CSMD1: variants seen among roughly 807,000 people sequenced by gnomAD.
CSMD1 encodes CUB and Sushi multiple domains 1.
CSMD1 carries 213 observed loss-of-function variants against 417.5 expected under a neutral mutation model. The observed-to-expected ratio is 0.51, with a 90% CI of 0.46 to 0.57. CSMD1 has a LOEUF of 0.57. Ranked by LOEUF, CSMD1 falls within the 20% of genes least tolerant of loss-of-function variation. The pLI is 0.00. For synonymous variants in CSMD1, 2,862 were observed against 1,736.8 expected (o/e 1.65, Z -16.11); for missense variants, 6,923 against 4,529.7 (o/e 1.53, Z -15.17).
chr8:3,549,675 C>A (rs985546606), intron 10 of CSMD1, among the ~76,000 whole-genome samples: 1 of 152,050 alleles, frequency 6.6e-6, no homozygotes, highest in Admixed American at 6.5e-5. Flanking sequence ...TCTAGCTAGC[C>A]CCCTTCAACA....
chr8:4,733,390 C>T (rs1040073419), intron 1 of CSMD1, among the ~76,000 whole-genome samples: 4 of 152,126 alleles, frequency 2.6e-5, no homozygotes, highest in Admixed American at 6.5e-5. Context: ...TGACTCATGC[C>T]CAGAATAACC....
In CSMD1 at chr8:4,464,838, T is replaced by C. The variant is rs11779582; in HGVS notation, c.303-44773A>G. Among the ~76,000 whole-genome samples the C allele has an allele frequency of 6.1e-3, 932 of 152,262 alleles. 6 individuals carry two copies. Among genetic ancestry groups the C allele is most frequent in the Non-Finnish European group, 8.2e-3 (561 of 68,026 alleles). The stretch of plus-strand genomic sequence containing the variant: ...TGAAGTTTTGGGAGGAAAGTATCTA[T>C]GATCCCAATTTACCCTGCTGTGTTA... On this transcript the variant is annotated intron_variant, in intron 2 of 69. Coordinates refer to ENST00000635120, the MANE Select transcript of CSMD1 (RefSeq NM_033225.6).
At chr8:3,868,531 G>C (rs1299795963) in intron 5 of CSMD1, among the ~76,000 whole-genome samples, 3 of 152,060 alleles carry the variant, frequency 2.0e-5, no homozygotes, top group Non-Finnish European at 2.9e-5. Context: ...ATTCCCAAAT[G>C]CGTACCTGCA....
chr8:3,638,015 T>C (rs1797131402), intron 7 of CSMD1, among the ~76,000 whole-genome samples: 1 of 152,176 alleles, frequency 6.6e-6, no homozygotes, highest in South Asian at 2.1e-4. Context: ...ATTAAACCTA[T>C]TTTTCATTAT....
chr8:3,235,916 GTTTTT>G (rs11414439), intron 26 of CSMD1, among the ~76,000 whole-genome samples: 1 of 119,342 alleles, frequency 8.4e-6, no homozygotes, highest in African/African-American at 3.2e-5. Context: ...GAAGATGTAA[GTTTTT>G]TTTTTTTTTT....
chr8:3,342,801 T>C (rs1271623366), intron 23 of CSMD1, among the ~76,000 whole-genome samples: 5 of 152,104 alleles, frequency 3.3e-5, no homozygotes, highest in Non-Finnish European at 5.9e-5. Flanking sequence ...TCTCAAAAAT[T>C]AATGGTGAAA....
At chr8:3,099,083 C>G (rs112486472) in intron 46 of CSMD1, among the ~76,000 whole-genome samples, 1 of 152,044 alleles carries the variant, frequency 6.6e-6, no homozygotes, top group African/African-American at 2.4e-5. Flanking sequence ...AACTCTTCTC[C>G]GTGCCGTTCA....
intron 5 of CSMD1, among the ~76,000 whole-genome samples, chr8:3,880,340 T>A (rs887413349): frequency 6.6e-6 from 1 of 152,212 alleles, no homozygotes; most frequent in Admixed American, 6.5e-5. Flanking sequence ...GCATCGTTGT[T>A]CTTTATTGTT....
In CSMD1 at chr8:3,459,106, G is replaced by A. The variant is rs908766675; in HGVS notation, c.1561+9606C>T. ...ACGATGGATGGGCACAGGATGGCAA[G>A]CACACAGCATGCTACACTGTGCTAC... On this transcript the variant is annotated intron_variant, in intron 12 of 69. Coordinates refer to ENST00000635120, the MANE Select transcript of CSMD1 (RefSeq NM_033225.6). Among the ~76,000 whole-genome samples, 15 of 152,338 alleles carry A rather than the reference G, an allele frequency of 9.8e-5. No homozygotes were observed. The East Asian group carries it at 2.9e-3, about 30-fold the overall frequency.
chr8:3,407,012 T>C lies in CSMD1; in HGVS notation c.2072-791A>G, dbSNP rs115627390. Reference sequence around the variant, plus strand: ...CTGAGTGGGTGGGTGGATGGTTGTATAGATGGGAGGAAGAATAGAAGGAAG... The same window carrying C: ...CTGAGTGGGTGGGTGGATGGTTGTACAGATGGGAGGAAGAATAGAAGGAAG... On this transcript the variant is annotated intron_variant, in intron 14 of 69. Transcript: ENST00000635120. Among the ~76,000 whole-genome samples, 629 of 152,128 alleles carry C rather than the reference T, an allele frequency of 4.1e-3. 4 individuals carry two copies. The highest frequency in any genetic ancestry group is 0.015 in the African/African-American group (608 of 41,484).
intron 7 of CSMD1, among the ~76,000 whole-genome samples, chr8:3,651,849 G>T (rs530608313): frequency 8.3e-6 from 1 of 119,982 alleles, no homozygotes; most frequent in African/African-American, 3.4e-5. Context: ...ACCCACCATC[G>T]CACTTACCAC....
At chr8:4,403,850 A>C (rs1356902412) in intron 3 of CSMD1, among the ~76,000 whole-genome samples, 1 of 152,036 alleles carries the variant, frequency 6.6e-6, no homozygotes, top group African/African-American at 2.4e-5. Flanking sequence ...TCTGATTGGG[A>C]ATTTACATTT....
chr8:4,241,483 G>T (rs1406747116), intron 3 of CSMD1, among the ~76,000 whole-genome samples: 1 of 152,162 alleles, frequency 6.6e-6, no homozygotes. Flanking sequence ...TTCATGCAGT[G>T]AGGATGTGTC....
chr8:4,223,799 G>A (rs145169031), intron 3 of CSMD1, among the ~76,000 whole-genome samples: 71 of 152,258 alleles, frequency 4.7e-4, no homozygotes, highest in Non-Finnish European at 8.2e-4. Flanking sequence ...AAGCCCCTTG[G>A]CCAATAACAA....
At chr8:4,375,733 C>T (rs1230788145) in intron 3 of CSMD1, among the ~76,000 whole-genome samples, 2 of 152,132 alleles carry the variant, frequency 1.3e-5, no homozygotes, top group South Asian at 2.1e-4. Flanking sequence ...CCTCACTTCC[C>T]GACTGCCTGC....
At chr8:3,632,758 C>A (rs186579553) in intron 7 of CSMD1, among the ~76,000 whole-genome samples, 5 of 152,284 alleles carry the variant, frequency 3.3e-5, no homozygotes, top group Admixed American at 2.0e-4. Context: ...AGTTTTGCTG[C>A]CCTTGTTTTG....
chr8:3,050,644 T>C (rs113027371), intron 50 of CSMD1, among the ~76,000 whole-genome samples: 128 of 152,262 alleles, frequency 8.4e-4, no homozygotes, highest in African/African-American at 2.9e-3. Flanking sequence ...TAGTACCGTC[T>C]TAAATAGAAA....
At chr8:4,717,601 T>C (rs1042550161) in intron 1 of CSMD1, among the ~76,000 whole-genome samples, 1 of 151,362 alleles carries the variant, frequency 6.6e-6, no homozygotes, top group Non-Finnish European at 1.5e-5. Context: ...CATCCATCCA[T>C]CCACAAGCAG....
intron 7 of CSMD1, among the ~76,000 whole-genome samples, chr8:3,623,760 G>T (rs1045502714): frequency 6.6e-6 from 1 of 152,148 alleles, no homozygotes; most frequent in African/African-American, 2.4e-5. Context: ...CAGATCACCT[G>T]AGGTGAGGAG....
Sources: gnomAD v4.1 joint callset for allele counts (sites outside exome capture counted in the v4.1 genomes callset) on GRCh38, gnomAD v4.1.1 for gene constraint, MANE v1.5 for transcripts, NCBI Gene and HGNC (gene_info 2026-07-23, HGNC 2026-07-21) for gene names.